MFHAS1: variants seen among roughly 807,000 people sequenced by gnomAD.
MFHAS1 encodes the protein multifunctional ROCO family signaling regulator 1.
In MFHAS1, 50 loss-of-function variants were observed where a neutral mutation model predicts 70.4. The observed-to-expected ratio is 0.71, with a 90% confidence interval of 0.57 to 0.90. The LOEUF (loss-of-function observed/expected upper bound fraction) is 0.90, where lower values mean the gene tolerates loss of function less well. Ranked by LOEUF, MFHAS1 falls within the 40% of genes least tolerant of loss-of-function variation. The probability of loss-of-function intolerance (pLI) is 0.00; values close to 1 mark genes in which losing one functional copy is unlikely to be tolerated. For missense variants in MFHAS1, 1,795 were observed against 1,347.6 expected (o/e 1.33, Z -5.20); for synonymous variants, 952 against 620.0 (o/e 1.54, Z -7.96).
intron 1 of MFHAS1, among the ~76,000 whole-genome samples, chr8:8,833,131 G>A (rs1416537195): frequency 1.3e-5 from 2 of 152,088 alleles, no homozygotes; most frequent in Admixed American, 1.3e-4. Flanking sequence ...GATCCCATGA[G>A]AATTCACCAT....
chr8:8,855,149 C>T (rs1404960659), intron 1 of MFHAS1, among the ~76,000 whole-genome samples: 2 of 152,162 alleles, frequency 1.3e-5, no homozygotes, highest in Non-Finnish European at 1.5e-5. Context: ...AGAGAGGTCT[C>T]GCCATGTCGC....
chr8:8,828,210 A>C (rs1807236337), intron 1 of MFHAS1, among the ~76,000 whole-genome samples: 1 of 152,260 alleles, frequency 6.6e-6, no homozygotes, highest in South Asian at 2.1e-4. Flanking sequence ...AACCAAGAGA[A>C]TAAATTAACA....
At chr8:8,823,661 C>G (rs1055484758) in intron 1 of MFHAS1, among the ~76,000 whole-genome samples, 2 of 150,958 alleles carry the variant, frequency 1.3e-5, no homozygotes, top group African/African-American at 4.9e-5. Context: ...CCTTGGTTCT[C>G]CCAGGCCACC....
chr8:8,880,945 A>G (rs1332037670), intron 1 of MFHAS1, among the ~76,000 whole-genome samples: 2 of 152,030 alleles, frequency 1.3e-5, no homozygotes, highest in African/African-American at 2.4e-5. Flanking sequence ...CAGCCTCCCA[A>G]AGTGATGTGA....
rs934651896 is a variant in MFHAS1 at position 8,799,023 on chromosome 8, G to A, written c.2999-1532C>T. Among the ~76,000 whole-genome samples the A allele has an allele frequency of 6.6e-5, 10 of 151,774 alleles. No homozygotes were observed. The Middle Eastern group carries it at 0.01, about 155-fold the overall frequency. ...AGATTGCGCCACTGCACTCCAGCCT[G>A]GGCGACAGAGTGAGAATCTGTCTCA... On this transcript the variant is annotated intron_variant, in intron 1 of 2. Transcript: ENST00000276282.
intron 1 of MFHAS1, among the ~76,000 whole-genome samples, chr8:8,827,460 A>C (rs1357249137): frequency 3.9e-5 from 6 of 152,252 alleles, no homozygotes; most frequent in Admixed American, 3.9e-4. Flanking sequence ...CCAATTTCAC[A>C]GATGAAAACA....
At chr8:8,805,566 T>A (rs1336259901) in intron 1 of MFHAS1, among the ~76,000 whole-genome samples, 1 of 152,156 alleles carries the variant, frequency 6.6e-6, no homozygotes, top group East Asian at 1.9e-4. Context: ...GTTGGTCTGG[T>A]TGTCTCAGGG....
intron 1 of MFHAS1, among the ~76,000 whole-genome samples, chr8:8,811,865 AG>A (rs1219998828): frequency 6.6e-6 from 1 of 152,202 alleles, no homozygotes; most frequent in East Asian, 1.9e-4. Flanking sequence ...GCACAGGGTT[AG>A]GCTGCGGGGG....
At chr8:8,872,378 A>G (rs1809111381) in intron 1 of MFHAS1, among the ~76,000 whole-genome samples, 1 of 152,192 alleles carries the variant, frequency 6.6e-6, no homozygotes, top group Non-Finnish European at 1.5e-5. Context: ...AAGATTTATG[A>G]ACTGTAAAAG....
intron 1 of MFHAS1, among the ~76,000 whole-genome samples, chr8:8,819,997 C>T (rs1806894943): frequency 6.6e-6 from 1 of 152,170 alleles, no homozygotes; most frequent in Non-Finnish European, 1.5e-5. Context: ...CACACCCAGT[C>T]TATACAGACT....
intron 2 of MFHAS1, among the ~76,000 whole-genome samples, chr8:8,792,783 T>A (rs1456482767): frequency 6.6e-6 from 1 of 152,200 alleles, no homozygotes; most frequent in African/African-American, 2.4e-5. Context: ...ACGTTAGTAA[T>A]CATTGCACAG....
rs1205344485 is a variant in MFHAS1, at chr8:8,784,195, C to G, written c.*1827G>C. 3 of 152,036 alleles carry G rather than the reference C, an allele frequency of 2.0e-5. No homozygotes were observed. Among genetic ancestry groups the G allele is most frequent in the Admixed American group, 6.6e-5 (1 of 15,252 alleles). 9.4% of individuals were successfully genotyped at this position (152,036 alleles called of 1,614,324 possible). On this transcript the variant is annotated 3_prime_UTR_variant, in exon 3 of 3. Coordinates refer to ENST00000276282, the MANE Select transcript of MFHAS1 (RefSeq NM_004225.3). ...GTTGGTTAATTTAACAGTTGAGGAA[C>G]CGTCTCATGCCAATTAAAAAATTCT...
rs4840360 is a variant in MFHAS1, at chr8:8,786,187, A to G, written c.3126-132T>C. On this transcript the variant is annotated intron_variant, in intron 2 of 2. Transcript: ENST00000276282. ...ATTTTCATTTCTACTTCCAGGACTCATTATAAACATGTAAATGTCAGGCAA... is the reference window on the plus strand; with the variant it reads ...ATTTTCATTTCTACTTCCAGGACTCGTTATAAACATGTAAATGTCAGGCAA... 6,767 of 833,440 alleles carry G rather than the reference A, an allele frequency of 8.1e-3. 45 individuals carry two copies. The highest frequency in any genetic ancestry group is 0.011 in the Non-Finnish European group (5,554 of 508,928). The allele number at this position is 833,440 out of a possible 1,614,324, so 51.6% of individuals were successfully genotyped here.
intron 1 of MFHAS1, among the ~76,000 whole-genome samples, chr8:8,824,554 C>G (rs1370064438): frequency 1.0e-5 from 1 of 95,526 alleles, no homozygotes; most frequent in Non-Finnish European, 2.4e-5. Flanking sequence ...CACACACACA[C>G]ACACACACAC....
chr8:8,829,449 G>A (rs1022445509), intron 1 of MFHAS1, among the ~76,000 whole-genome samples: 66 of 152,340 alleles, frequency 4.3e-4, no homozygotes, highest in African/African-American at 1.6e-3. Flanking sequence ...GGGAGGCCTA[G>A]GTGGGTAGAT....
chr8:8,858,181 A>G (rs1157177041), intron 1 of MFHAS1, among the ~76,000 whole-genome samples: 1 of 152,190 alleles, frequency 6.6e-6, no homozygotes, highest in Non-Finnish European at 1.5e-5. Flanking sequence ...TTAAGAAGCC[A>G]GCAAGGGAAG....
At chr8:8,878,290 C>T (rs186744719) in intron 1 of MFHAS1, among the ~76,000 whole-genome samples, 286 of 152,260 alleles carry the variant, frequency 1.9e-3, no homozygotes, top group Admixed American at 2.5e-3. Context: ...AGGTTTGGGG[C>T]TGATATCCTA....
intron 1 of MFHAS1, among the ~76,000 whole-genome samples, chr8:8,848,046 G>T (rs1204111394): frequency 6.6e-6 from 1 of 152,200 alleles, no homozygotes; most frequent in East Asian, 1.9e-4. Flanking sequence ...AAAAAACAAA[G>T]CACAGCCTAG....
intron 1 of MFHAS1, among the ~76,000 whole-genome samples, chr8:8,829,605 C>T (rs1180488346): frequency 1.3e-5 from 2 of 152,170 alleles, no homozygotes; most frequent in East Asian, 3.9e-4. Context: ...CGCTTGAACC[C>T]AGTAGGTGGA....
Sources: gnomAD v4.1 joint callset for allele counts (sites outside exome capture counted in the v4.1 genomes callset) on GRCh38, gnomAD v4.1.1 for gene constraint, MANE v1.5 for transcripts, NCBI Gene and HGNC (gene_info 2026-07-23, HGNC 2026-07-21) for gene names.